The following NCALD variants were observed in gnomAD, a reference collection of about 807,000 sequenced individuals.
NCALD encodes neurocalcin delta, also known as neurocalcin-delta.
NCALD carries 10 observed loss-of-function variants against 18.6 expected under a neutral mutation model. That is an observed-to-expected ratio of 0.54 (90% CI 0.33 to 0.91). The LOEUF (loss-of-function observed/expected upper bound fraction) is 0.91, where lower values mean the gene tolerates loss of function less well. NCALD is among the 40% of genes least tolerant of loss of function. The probability of loss-of-function intolerance (pLI) is 0.03; values close to 1 mark genes in which losing one functional copy is unlikely to be tolerated. For missense variants in NCALD, 184 were observed against 247.6 expected (o/e 0.74, Z 1.72); for synonymous variants, 88 against 87.4 (o/e 1.01, Z -0.04).
At chr8:101,883,268 G>A (rs1586688294) in intron 4 of NCALD, among the ~76,000 whole-genome samples, 2 of 152,202 alleles carry the variant, frequency 1.3e-5, no homozygotes, top group Admixed American at 1.3e-4. Flanking sequence ...CTGCTACTCA[G>A]GAGGCTGAGG....
At chr8:102,050,148 G>A (rs547159665) in intron 1 of NCALD, among the ~76,000 whole-genome samples, 4 of 93,754 alleles carry the variant, frequency 4.3e-5, no homozygotes, top group Non-Finnish European at 8.1e-5. Context: ...CGGCCTGGGC[G>A]ACAGAGCGAG....
intron 4 of NCALD, among the ~76,000 whole-genome samples, chr8:101,826,496 C>T (rs1428599653): frequency 6.6e-6 from 1 of 152,182 alleles, no homozygotes; most frequent in East Asian, 1.9e-4. Context: ...TTTTTAGCAT[C>T]ATGCATAGTG....
intron 1 of NCALD, among the ~76,000 whole-genome samples, chr8:101,727,947 C>T (rs1191752489): frequency 6.6e-6 from 1 of 152,204 alleles, no homozygotes. Flanking sequence ...CAGTAGTTTA[C>T]ACTGGGAAGG....
At chr8:101,908,282 C>T (rs1461565913) in intron 3 of NCALD, among the ~76,000 whole-genome samples, 1 of 152,142 alleles carries the variant, frequency 6.6e-6, no homozygotes, top group Non-Finnish European at 1.5e-5. Context: ...TTTTGGCATC[C>T]GGCTTGATTT....
At chr8:101,872,441 G>C in intron 4 of NCALD, 1 of 1,055,178 alleles carries the variant, frequency 9.5e-7, no homozygotes, top group Non-Finnish European at 1.5e-6. Flanking sequence ...AGGATGTGCT[G>C]CTCCTCTTCT....
intron 3 of NCALD, among the ~76,000 whole-genome samples, chr8:101,896,426 A>G (rs1376919243): frequency 6.6e-6 from 1 of 152,152 alleles, no homozygotes; most frequent in East Asian, 1.9e-4. Context: ...AAGAAAACCT[A>G]GGCATTGCCA....
intron 1 of NCALD, among the ~76,000 whole-genome samples, chr8:101,748,160 C>T (rs912393543): frequency 6.6e-6 from 1 of 152,078 alleles, no homozygotes; most frequent in Non-Finnish European, 1.5e-5. Context: ...AGGTTTGATC[C>T]CAGAGTTCAA....
chr8:101,711,040 C>T (rs757323756), intron 2 of NCALD, among the ~76,000 whole-genome samples: 14 of 152,038 alleles, frequency 9.2e-5, no homozygotes, highest in Admixed American at 2.0e-4. Flanking sequence ...GGCCAGGTGC[C>T]CCTCTGGGAT....
At chr8:101,934,034 T>G (rs1254589349) in intron 2 of NCALD, among the ~76,000 whole-genome samples, 2 of 152,156 alleles carry the variant, frequency 1.3e-5, no homozygotes, top group South Asian at 2.1e-4. Flanking sequence ...TTTTTAAAAC[T>G]TTTTCTTGAG....
chr8:101,763,105 C>T (rs939784896), intron 1 of NCALD, among the ~76,000 whole-genome samples: 2 of 152,100 alleles, frequency 1.3e-5, no homozygotes, highest in Admixed American at 6.5e-5. Flanking sequence ...ACATATCAGG[C>T]ACTGTGCTAG....
chr8:101,874,633 G>A (rs1816154888), intron 4 of NCALD, among the ~76,000 whole-genome samples: 1 of 136,142 alleles, frequency 7.3e-6, no homozygotes, highest in Non-Finnish European at 1.6e-5. Flanking sequence ...CAACTCTTGG[G>A]CTCAAGTGAT....
At chr8:101,765,000 A>AGGTT (rs1811287415) in intron 1 of NCALD, among the ~76,000 whole-genome samples, 1 of 152,196 alleles carries the variant, frequency 6.6e-6, no homozygotes, top group Admixed American at 6.5e-5. Flanking sequence ...AGGCATGTGA[A>AGGTT]GGTACCAGGC....
intron 1 of NCALD, among the ~76,000 whole-genome samples, chr8:102,120,277 C>G (rs1825907419): frequency 6.6e-6 from 1 of 152,156 alleles, no homozygotes; most frequent in Admixed American, 6.5e-5. Flanking sequence ...AAGAAACACC[C>G]CTGCTCCTAT....
chr8:101,879,038 A>C (rs946166233), intron 4 of NCALD, among the ~76,000 whole-genome samples: 3 of 152,234 alleles, frequency 2.0e-5, no homozygotes, highest in Non-Finnish European at 4.4e-5. Flanking sequence ...GTTGTCAATA[A>C]ACTTCTACAG....
chr8:102,001,344 T>C (rs7827682), intron 2 of NCALD, among the ~76,000 whole-genome samples: 30,406 of 152,084 alleles, frequency 0.2, 3,888 homozygotes, highest in African/African-American at 0.36. Flanking sequence ...TAAAAAGAAA[T>C]GAACAAAGTC....
chr8:102,090,491 G>C (rs1285329665), intron 1 of NCALD, among the ~76,000 whole-genome samples: 1 of 152,140 alleles, frequency 6.6e-6, no homozygotes, highest in Non-Finnish European at 1.5e-5. Context: ...GACTCTCATG[G>C]AGAGCTCAAA....
intron 2 of NCALD, among the ~76,000 whole-genome samples, chr8:101,934,238 T>C (rs1818676509): frequency 6.6e-6 from 1 of 152,150 alleles, no homozygotes; most frequent in Non-Finnish European, 1.5e-5. Flanking sequence ...TCAACCAGTG[T>C]ACTCAAGGGG....
intron 4 of NCALD, among the ~76,000 whole-genome samples, chr8:101,863,011 T>C (rs1309436088): frequency 1.3e-5 from 2 of 152,206 alleles, no homozygotes; most frequent in Admixed American, 1.3e-4. Flanking sequence ...GTCAAGTGTG[T>C]AAGTCCTCAC....
At chr8:101,726,380 A>T (rs1377456434) in intron 1 of NCALD, among the ~76,000 whole-genome samples, 1 of 152,102 alleles carries the variant, frequency 6.6e-6, no homozygotes, top group Non-Finnish European at 1.5e-5. Flanking sequence ...TCCAGGCAAG[A>T]GGTGATGGTG....
Sources: allele counts gnomAD v4.1 joint callset (sites outside exome capture counted in the v4.1 genomes callset), GRCh38; gene constraint gnomAD v4.1.1; transcripts MANE v1.5; gene names NCBI Gene and HGNC (gene_info 2026-07-23, HGNC 2026-07-21).